Variants in PEX7 observed in about 807,000 individuals in gnomAD.
PEX7 encodes peroxisomal biogenesis factor 7.
In PEX7, 34 loss-of-function variants were observed where a neutral mutation model predicts 47.5. The ratio of observed to expected loss-of-function variants is 0.72; its 90% CI spans 0.54 to 0.95. PEX7 has a LOEUF of 0.95. Ranked by LOEUF, PEX7 falls within the 40% of genes least tolerant of loss-of-function variation. The pLI is 0.00. For missense variants in PEX7, 394 were observed against 400.3 expected (o/e 0.98, Z 0.13); for synonymous variants, 141 against 148.8 (o/e 0.95, Z 0.38).
chr6:136,834,734 A>G (rs1774355933), intron 3 of PEX7, among the ~76,000 whole-genome samples: 1 of 152,150 alleles, frequency 6.6e-6, no homozygotes, highest in Non-Finnish European at 1.5e-5. Context: ...ATTCAGGAGA[A>G]AGATGGATTG....
chr6:136,873,895 TTTC>T (rs1161960112), intron 8 of PEX7, among the ~76,000 whole-genome samples: 2 of 152,174 alleles, frequency 1.3e-5, no homozygotes, highest in Non-Finnish European at 2.9e-5. Flanking sequence ...AATCATGATT[TTTC>T]TTCTTAGAGA....
chr6:136,831,129 A>G (rs1408855564), intron 3 of PEX7, among the ~76,000 whole-genome samples: 1 of 152,198 alleles, frequency 6.6e-6, no homozygotes, highest in South Asian at 2.1e-4. Context: ...GAGAGTGGGT[A>G]ATTTATAAAG....
At chr6:136,895,337 A>T (rs967122082) in intron 8 of PEX7, among the ~76,000 whole-genome samples, 4 of 152,196 alleles carry the variant, frequency 2.6e-5, no homozygotes, top group East Asian at 3.8e-4. Context: ...TTCTCAACTT[A>T]GTTTGTATAA....
chr6:136,900,716 C>A lies in PEX7; in HGVS notation c.903+2475C>A. The A allele has an allele frequency of 5.8e-6, 2 of 344,258 alleles. No individual in the cohort carries two copies. The highest frequency in any genetic ancestry group is 4.8e-5 in the South Asian group (2 of 42,078). 21.3% of individuals were successfully genotyped at this position (344,258 alleles called of 1,614,324 possible). A position where few individuals can be genotyped will look rare whatever the true frequency, so the allele number is the denominator to read the frequency against. On this transcript the variant is annotated intron_variant, in intron 9 of 9. Coordinates refer to ENST00000318471, the MANE Select transcript of PEX7 (RefSeq NM_000288.4). The surrounding 1 kb of genome is among the most constrained non-coding windows in gnomAD (Gnocchi z 4.2). ...TCATGTGCAGTCACCGCCAGCTGAG[C>A]CTTCTTCTTCTCCACCAAGGTGGTG...
chr6:136,858,954 C>T (rs1011290627), intron 5 of PEX7, among the ~76,000 whole-genome samples: 4 of 152,090 alleles, frequency 2.6e-5, no homozygotes, highest in Non-Finnish European at 5.9e-5. Flanking sequence ...TAGTGTGGAA[C>T]CCATAGTTGT....
At chr6:136,865,973 C>T (rs1582757241) in intron 5 of PEX7, among the ~76,000 whole-genome samples, 1 of 151,934 alleles carries the variant, frequency 6.6e-6, no homozygotes, top group Non-Finnish European at 1.5e-5. Flanking sequence ...GTCCTGGCTA[C>T]TCGGGAGGCT....
intron 8 of PEX7, among the ~76,000 whole-genome samples, chr6:136,875,685 T>G (rs1775258779): frequency 6.6e-6 from 1 of 152,188 alleles, no homozygotes; most frequent in Non-Finnish European, 1.5e-5. Flanking sequence ...ATTATGTTGT[T>G]TAGGCCTTCT....
intron 8 of PEX7, among the ~76,000 whole-genome samples, chr6:136,885,854 C>G (rs1775459337): frequency 6.6e-6 from 1 of 152,182 alleles, no homozygotes; most frequent in African/African-American, 2.4e-5. Flanking sequence ...CTGCCTTCTA[C>G]TAGCTGTATA....
At chr6:136,826,171 C>T (rs1582732661) in intron 2 of PEX7, 148 bp from the exon 3 acceptor site, 1 of 846,370 alleles carries the variant, frequency 1.2e-6, no homozygotes, top group East Asian at 2.5e-5. Flanking sequence ...CTCTACTTAA[C>T]TCCCGTAGTT....
intron 3 of PEX7, among the ~76,000 whole-genome samples, chr6:136,835,125 G>A (rs183314669): frequency 7.0e-4 from 106 of 151,870 alleles, no homozygotes; most frequent in Non-Finnish European, 1.3e-3. Flanking sequence ...GGGTTTCAAC[G>A]TGTTGGTCAG....
intron 8 of PEX7, among the ~76,000 whole-genome samples, chr6:136,876,583 C>G (rs191934828): frequency 6.6e-6 from 1 of 152,024 alleles, no homozygotes; most frequent in African/African-American, 2.4e-5. Flanking sequence ...AGTGAGAACA[C>G]GCGGTGTTCG....
intron 8 of PEX7, among the ~76,000 whole-genome samples, chr6:136,878,406 G>C (rs1775316240): frequency 1.3e-5 from 2 of 152,158 alleles, no homozygotes; most frequent in Admixed American, 6.5e-5. Context: ...AATGGTTCCA[G>C]CTCTTGCCCA....
intron 8 of PEX7, among the ~76,000 whole-genome samples, chr6:136,879,005 T>G (rs1330622257): frequency 6.6e-6 from 1 of 152,190 alleles, no homozygotes; most frequent in African/African-American, 2.4e-5. Context: ...TTGTGAGTTT[T>G]TCATTATATT....
At chr6:136,833,251 G>GC (rs1235679684) in intron 3 of PEX7, among the ~76,000 whole-genome samples, 2 of 152,122 alleles carry the variant, frequency 1.3e-5, no homozygotes, top group African/African-American at 4.8e-5. Flanking sequence ...AAGGGAAACT[G>GC]CCACTTTTAA....
chr6:136,912,148 A>C lies in PEX7; in HGVS notation c.904-1310A>C, dbSNP rs573031437. Among the ~76,000 whole-genome samples, 4 of 152,256 alleles carry C rather than the reference A, an allele frequency of 2.6e-5. No homozygotes were observed. The East Asian group carries it at 7.7e-4, about 29-fold the overall frequency. On this transcript the variant is annotated intron_variant, in intron 9 of 9. Coordinates refer to ENST00000318471, the MANE Select transcript of PEX7 (RefSeq NM_000288.4). Reference sequence around the variant, plus strand: ...TTATGTATTCTTGATACAAGTTGTCAGGTGTATATTTTATGAATATTTTAT... The same window carrying C: ...TTATGTATTCTTGATACAAGTTGTCCGGTGTATATTTTATGAATATTTTAT...
intron 9 of PEX7, among the ~76,000 whole-genome samples, chr6:136,904,632 CTT>C (rs772446747): frequency 6.2e-4 from 80 of 129,464 alleles, no homozygotes; most frequent in Middle Eastern, 3.9e-3. Flanking sequence ...CCTGCACAAG[CTT>C]TTTTTTTTTT....
intron 3 of PEX7, among the ~76,000 whole-genome samples, chr6:136,832,957 T>C (rs1774321268): frequency 6.6e-6 from 1 of 152,232 alleles, no homozygotes; most frequent in Non-Finnish European, 1.5e-5. Flanking sequence ...TCTTCCTGTC[T>C]TCTTCTGAGC....
chr6:136,881,339 G>A (rs1775373654), intron 8 of PEX7, among the ~76,000 whole-genome samples: 2 of 152,124 alleles, frequency 1.3e-5, no homozygotes, highest in East Asian at 3.9e-4. Flanking sequence ...TATGAAGAGA[G>A]AACTTGGAAT....
intron 7 of PEX7, among the ~76,000 whole-genome samples, chr6:136,871,637 C>T (rs1775183346): frequency 6.6e-6 from 1 of 152,140 alleles, no homozygotes; most frequent in Non-Finnish European, 1.5e-5. Context: ...CGGCTCACTG[C>T]AACCTCCACC....
Sources: allele counts gnomAD v4.1 joint callset (sites outside exome capture counted in the v4.1 genomes callset), GRCh38; gene constraint gnomAD v4.1.1; non-coding constraint Gnocchi (gnomAD v3.1); transcripts MANE v1.5; gene names NCBI Gene and HGNC (gene_info 2026-07-23, HGNC 2026-07-21).